The following CNTNAP2 variants were observed in gnomAD, a reference collection of about 807,000 sequenced individuals.
The protein encoded by CNTNAP2 is contactin-associated protein-like 2.
A neutral mutation model predicts 155.2 loss-of-function variants in CNTNAP2; 98 were observed. The observed-to-expected ratio is 0.63, with a 90% CI of 0.54 to 0.75. The LOEUF is 0.75. Among genes scored for constraint, CNTNAP2 ranks in the 30% least tolerant of loss-of-function variants. The pLI, the probability that CNTNAP2 is intolerant of heterozygous loss-of-function variation, is 0.00. For missense variants in CNTNAP2, 1,727 were observed against 1,688.1 expected (o/e 1.02, Z -0.40); for synonymous variants, 651 against 631.2 (o/e 1.03, Z -0.47).
At chr7:146,771,229 A>G (rs1802288623) in intron 1 of CNTNAP2, among the ~76,000 whole-genome samples, 1 of 152,226 alleles carries the variant, frequency 6.6e-6, no homozygotes, top group Non-Finnish European at 1.5e-5. Context: ...CCACAAAAAC[A>G]TAAGCTCTAC....
At chr7:147,419,477 T>C (rs1430854052) in intron 10 of CNTNAP2, among the ~76,000 whole-genome samples, 1 of 152,232 alleles carries the variant, frequency 6.6e-6, no homozygotes, top group East Asian at 1.9e-4. Context: ...CTCTATGTTC[T>C]ACATCACATC....
rs117979018 is a variant in CNTNAP2, at chr7:147,599,344, A to T, written c.1897+37087A>T. Among the ~76,000 whole-genome samples the T allele has an allele frequency of 0.012, 1,784 of 151,888 alleles. 101 individuals are homozygous for T. In the East Asian group the frequency reaches 0.18, roughly 15 times the overall value. On this transcript the variant is annotated intron_variant, in intron 12 of 23. Coordinates refer to ENST00000361727, the MANE Select transcript of CNTNAP2 (RefSeq NM_014141.6). ...AAATAAAATAAAAATTAAAAAAAAA[A>T]ATTAGCCGGCATGGTGTAATCCCAG...
intron 8 of CNTNAP2, among the ~76,000 whole-genome samples, chr7:147,285,341 G>C (rs556931636): frequency 1.2e-4 from 18 of 151,736 alleles, no homozygotes; most frequent in African/African-American, 4.1e-4. Flanking sequence ...GGTATAAAAA[G>C]GCTCTATTTT....
chr7:146,119,198 C>A (rs1797528615), intron 1 of CNTNAP2, among the ~76,000 whole-genome samples: 1 of 151,998 alleles, frequency 6.6e-6, no homozygotes, highest in Non-Finnish European at 1.5e-5. Flanking sequence ...CAAAAAGTAG[C>A]ATGAAAATCT....
intron 11 of CNTNAP2, among the ~76,000 whole-genome samples, chr7:147,548,458 A>AT (rs201142762): frequency 0.034 from 5,163 of 151,722 alleles, 133 homozygotes; most frequent in African/African-American, 0.057. Context: ...GGGTTGTTTG[A>AT]TTTTTTCTTA....
At position 148,415,755 on chromosome 7, in the gene CNTNAP2, A is replaced by G. The variant is rs1799971807; in HGVS notation, c.*139A>G. 2.2e-6 allele frequency: 2 copies of G among 908,218 alleles called. No homozygotes were observed. Among genetic ancestry groups the G allele is most frequent in the Admixed American group, 2.3e-5 (1 of 43,200 alleles). The allele number at this position is 908,218 out of a possible 1,614,324, so 56.3% of individuals were successfully genotyped here. A position where few individuals can be genotyped will look rare whatever the true frequency, so the allele number is the denominator to read the frequency against. On this transcript the variant is annotated 3_prime_UTR_variant, in exon 24 of 24. Coordinates refer to ENST00000361727, the MANE Select transcript of CNTNAP2 (RefSeq NM_014141.6). ...TTGGGGGAGGCAGGCAATGGAATAT[A>G]ATGGAATATTCTTGAGACTGATCAC...
chr7:146,656,112 A>G (rs1415930492), intron 1 of CNTNAP2, among the ~76,000 whole-genome samples: 1 of 152,228 alleles, frequency 6.6e-6, no homozygotes, highest in Admixed American at 6.5e-5. Flanking sequence ...GTAAAACCGC[A>G]ACCCGGTTAA....
At chr7:148,041,666 T>G (rs1802678398) in intron 15 of CNTNAP2, among the ~76,000 whole-genome samples, 1 of 152,242 alleles carries the variant, frequency 6.6e-6, no homozygotes, top group Admixed American at 6.5e-5. Flanking sequence ...ATTTTGATTA[T>G]GAGAGGTCTC....
intron 9 of CNTNAP2, among the ~76,000 whole-genome samples, chr7:147,322,152 T>C (rs1795363579): frequency 6.6e-6 from 1 of 152,162 alleles, no homozygotes; most frequent in South Asian, 2.1e-4. Flanking sequence ...ATGGGGTGAT[T>C]CTCACCCTTC....
intron 15 of CNTNAP2, among the ~76,000 whole-genome samples, chr7:148,101,286 TAATA>T (rs1185764129): frequency 6.8e-6 from 1 of 147,844 alleles, no homozygotes; most frequent in Non-Finnish European, 1.5e-5. Flanking sequence ...AGTATTATAA[TAATA>T]AAATTAAAAA....
At chr7:148,413,554 T>C (rs1272558408) in intron 23 of CNTNAP2, among the ~76,000 whole-genome samples, 1 of 150,250 alleles carries the variant, frequency 6.7e-6, no homozygotes, top group Non-Finnish European at 1.5e-5. Context: ...TTAAGAAAGA[T>C]GTGTAGGATT....
chr7:146,494,900 C>A (rs568479867), intron 1 of CNTNAP2, among the ~76,000 whole-genome samples: 1 of 152,202 alleles, frequency 6.6e-6, no homozygotes. Flanking sequence ...GGAATATGTT[C>A]CAAATCTAGT....
At chr7:146,698,334 G>A (rs1299262005) in intron 1 of CNTNAP2, among the ~76,000 whole-genome samples, 1 of 151,626 alleles carries the variant, frequency 6.6e-6, no homozygotes, top group African/African-American at 2.4e-5. Context: ...TTTTTAAAAG[G>A]GAGGCTTGCT....
intron 8 of CNTNAP2, among the ~76,000 whole-genome samples, chr7:147,283,046 A>T (rs1176809071): frequency 5.3e-5 from 8 of 152,064 alleles, no homozygotes; most frequent in African/African-American, 1.4e-4. Context: ...TATACACTGC[A>T]GTTCACATGA....
At chr7:146,731,465 T>A (rs1801524569) in intron 1 of CNTNAP2, among the ~76,000 whole-genome samples, 1 of 152,124 alleles carries the variant, frequency 6.6e-6, no homozygotes, top group South Asian at 2.1e-4. Context: ...ATCAAGTTGC[T>A]CATTTCAATG....
chr7:147,807,322 CAAAAAAAAAA>C (rs768465391), intron 13 of CNTNAP2, among the ~76,000 whole-genome samples: 3 of 64,776 alleles, frequency 4.6e-5, no homozygotes, highest in African/African-American at 6.1e-5. Flanking sequence ...GTCCTTGACT[CAAAAAAAAAA>C]AAAAAAAAAA....
intron 19 of CNTNAP2, among the ~76,000 whole-genome samples, chr7:148,221,322 T>G (rs1306085947): frequency 1.3e-5 from 2 of 152,154 alleles, no homozygotes; most frequent in Non-Finnish European, 2.9e-5. Context: ...TGGCAACACA[T>G]GAGTGCATGG....
chr7:147,883,233 A>G (rs2538988), intron 13 of CNTNAP2, among the ~76,000 whole-genome samples: 87,050 of 151,934 alleles, frequency 0.57, 25,585 homozygotes, highest in African/African-American at 0.7. Flanking sequence ...AGTCAGCCCC[A>G]AATCCTGCCC....
At chr7:148,211,883 GA>G (rs1795557917) in intron 18 of CNTNAP2, among the ~76,000 whole-genome samples, 1 of 152,150 alleles carries the variant, frequency 6.6e-6, no homozygotes, top group African/African-American at 2.4e-5. Flanking sequence ...GCAAGTTACT[GA>G]GTCTAAAATA....
Sources: allele counts gnomAD v4.1 joint callset (sites outside exome capture counted in the v4.1 genomes callset), GRCh38; gene constraint gnomAD v4.1.1; transcripts MANE v1.5; gene names NCBI Gene and HGNC (gene_info 2026-07-23, HGNC 2026-07-21).